Variants in TMEM132B observed in about 807,000 individuals in gnomAD.
TMEM132B encodes the protein transmembrane protein 132B.
Under a neutral mutation model 90.8 loss-of-function variants are expected in TMEM132B, and 18 were observed. The ratio of observed to expected loss-of-function variants is 0.20; its 90% CI spans 0.14 to 0.29. TMEM132B has a LOEUF of 0.29. TMEM132B is among the 10% of genes least tolerant of loss of function. TMEM132B has a pLI of 1.00. For synonymous variants in TMEM132B, 504 were observed against 523.3 expected (o/e 0.96, Z 0.50); for missense variants, 1,096 against 1,326.8 (o/e 0.83, Z 2.70).
intron 3 of TMEM132B, among the ~76,000 whole-genome samples, chr12:125,495,924 C>G (rs1215832585): frequency 6.6e-6 from 1 of 152,144 alleles, no homozygotes; most frequent in Non-Finnish European, 1.5e-5. Context: ...TTAAAAAATT[C>G]AGTACTTTAC....
intron 4 of TMEM132B, among the ~76,000 whole-genome samples, chr12:125,581,876 A>G (rs1298493329): frequency 1.3e-5 from 2 of 152,140 alleles, no homozygotes; most frequent in Admixed American, 6.5e-5. Flanking sequence ...TTCCAGTCCT[A>G]TGTGCTTTAA....
At chr12:125,317,410 C>T (rs557092339) in intron 1 of TMEM132B, among the ~76,000 whole-genome samples, 27 of 152,264 alleles carry the variant, frequency 1.8e-4, no homozygotes, top group East Asian at 1.9e-4. Flanking sequence ...ACCATGCATC[C>T]GGAGCATGGA....
intron 1 of TMEM132B, among the ~76,000 whole-genome samples, chr12:125,331,032 C>T (rs1466885953): frequency 6.6e-6 from 1 of 152,248 alleles, no homozygotes; most frequent in Non-Finnish European, 1.5e-5. Context: ...GGTTTCGTCT[C>T]TGGAAGAGGG....
At chr12:125,597,538 G>T (rs1466777241) in intron 5 of TMEM132B, among the ~76,000 whole-genome samples, 1 of 152,172 alleles carries the variant, frequency 6.6e-6, no homozygotes, top group East Asian at 1.9e-4. Context: ...AGCAGGCACT[G>T]TATCTATCTT....
chr12:125,536,535 G>C (rs957259588), intron 4 of TMEM132B, among the ~76,000 whole-genome samples: 2 of 152,198 alleles, frequency 1.3e-5, no homozygotes, highest in African/African-American at 2.4e-5. Context: ...TGGAGTCAAT[G>C]ATGGTGCCCA....
At chr12:125,628,586 C>T (rs191668474) in intron 5 of TMEM132B, among the ~76,000 whole-genome samples, 50 of 152,142 alleles carry the variant, frequency 3.3e-4, no homozygotes, top group African/African-American at 1.0e-3. Flanking sequence ...ATTTCTATCC[C>T]GTTCTGTGGG....
intron 2 of TMEM132B, among the ~76,000 whole-genome samples, chr12:125,399,458 AGTGTGTGTGTGTGTGTGTGTGTGTATGT>A (rs1409725148): frequency 2.1e-4 from 28 of 132,724 alleles, no homozygotes; most frequent in East Asian, 1.1e-3. Context: ...TGAAGAAGGA[AGTGTGTGTGTGTGTGTGTGTGTGTATGT>A]GTGTGTGTGT....
rs1876633729 is a variant in TMEM132B at position 125,327,824 on chromosome 12, G to C, written c.68-21628G>C. 2.0e-5 allele frequency among the ~76,000 whole-genome samples: 3 copies of C among 152,338 alleles called. No homozygotes were observed. In the South Asian group the frequency reaches 6.2e-4, roughly 32 times the overall value. On this transcript the variant is annotated intron_variant, in intron 1 of 8. Coordinates refer to ENST00000682704, the MANE Select transcript of TMEM132B (RefSeq NM_001366854.1). ...AAAAAAAAATCTGTGGCTGGCAGAT[G>C]CTGGGTGCAGTTTCTCAGGATATAT...
intron 1 of TMEM132B, among the ~76,000 whole-genome samples, chr12:125,320,641 G>C (rs943826238): frequency 9.4e-5 from 14 of 149,426 alleles, no homozygotes. Flanking sequence ...GGCTCCACAA[G>C]GGGGAAGCTG....
chr12:125,579,827 C>A (rs2136857692), intron 4 of TMEM132B, among the ~76,000 whole-genome samples: 1 of 152,024 alleles, frequency 6.6e-6, no homozygotes, highest in East Asian at 1.9e-4. Flanking sequence ...ACCATATTTT[C>A]TTGCTTTTTT....
chr12:125,309,811 G>A (rs1456651840), intron 1 of TMEM132B, among the ~76,000 whole-genome samples: 1 of 152,160 alleles, frequency 6.6e-6, no homozygotes, highest in Non-Finnish European at 1.5e-5. Context: ...AAAGAACAAT[G>A]GCATTTATTT....
At chr12:125,379,262 T>A (rs554668743) in intron 2 of TMEM132B, among the ~76,000 whole-genome samples, 11 of 152,252 alleles carry the variant, frequency 7.2e-5, no homozygotes, top group African/African-American at 2.6e-4. Flanking sequence ...TTAAGGAGGG[T>A]ATCCTGGGTT....
intron 4 of TMEM132B, among the ~76,000 whole-genome samples, chr12:125,577,883 G>T: frequency 6.6e-6 from 1 of 151,956 alleles, no homozygotes; most frequent in East Asian, 1.9e-4. Flanking sequence ...AAAGAGGATT[G>T]TTTAATTTCC....
intron 1 of TMEM132B, among the ~76,000 whole-genome samples, chr12:125,188,604 C>G (rs1474428462): frequency 7.1e-6 from 1 of 141,052 alleles, no homozygotes; most frequent in Non-Finnish European, 1.5e-5. Flanking sequence ...TCTGGAAGGC[C>G]CCATGTTGGG....
intron 3 of TMEM132B, among the ~76,000 whole-genome samples, chr12:125,508,135 G>A (rs1882892450): frequency 6.6e-6 from 1 of 152,140 alleles, no homozygotes; most frequent in Non-Finnish European, 1.5e-5. Flanking sequence ...TGCCTTTAAT[G>A]GGGAAGACTG....
chr12:125,332,093 A>C (rs975433839), intron 1 of TMEM132B, among the ~76,000 whole-genome samples: 8 of 152,178 alleles, frequency 5.3e-5, no homozygotes, highest in African/African-American at 1.9e-4. Context: ...ACCATATGAA[A>C]ATAATACTCT....
chr12:125,253,326 T>A (rs987062234), intron 1 of TMEM132B, among the ~76,000 whole-genome samples: 1 of 152,234 alleles, frequency 6.6e-6, no homozygotes, highest in Non-Finnish European at 1.5e-5. Context: ...GTTATTCGTC[T>A]GTGCAAAATC....
chr12:125,299,025 G>A (rs866531838), intron 1 of TMEM132B, among the ~76,000 whole-genome samples: 18 of 152,154 alleles, frequency 1.2e-4, no homozygotes, highest in Middle Eastern at 3.4e-3. Flanking sequence ...GAGCCACCAC[G>A]CCCGGCCCAT....
Position 125,415,691 on chromosome 12 carries a change from T to C in TMEM132B, c.1106+14T>C. 2 of 1,613,294 alleles carry C rather than the reference T, an allele frequency of 1.2e-6. No homozygotes were observed. The highest frequency in any genetic ancestry group is 1.7e-4 in the Middle Eastern group (1 of 6,044). On this transcript the variant is annotated intron_variant, in intron 3 of 8. Transcript: ENST00000682704. This position sits in a 1 kb window ranked among gnomAD's most constrained non-coding sequence, Gnocchi z 5.3. ...CACGCAGAGCAGGTAAGCATGGAGA[T>C]CCCCAAGGCACCTCCGCAGTGGGGA...
Sources: allele counts gnomAD v4.1 joint callset (sites outside exome capture counted in the v4.1 genomes callset), GRCh38; gene constraint gnomAD v4.1.1; non-coding constraint Gnocchi (gnomAD v3.1); transcripts MANE v1.5; gene names NCBI Gene and HGNC (gene_info 2026-07-23, HGNC 2026-07-21).